The following BMPR1B variants were observed in gnomAD, a reference collection of about 807,000 sequenced individuals.
BMPR1B encodes the protein bone morphogenetic protein receptor type 1B.
A neutral mutation model predicts 59.1 loss-of-function variants in BMPR1B; 12 were observed. That is an observed-to-expected ratio of 0.20 (90% CI 0.13 to 0.33). The LOEUF (loss-of-function observed/expected upper bound fraction) is 0.33. Ranked by LOEUF, BMPR1B falls within the 10% of genes least tolerant of loss-of-function variation. The pLI is 1.00. For synonymous variants in BMPR1B, 237 were observed against 207.3 expected, an observed-to-expected ratio of 1.14 and a Z score of -1.23; for missense variants, 550 against 610.9, an observed-to-expected ratio of 0.90 and a Z score of 1.05.
intron 1 of BMPR1B, among the ~76,000 whole-genome samples, chr4:94,835,064 A>C (rs1311390765): frequency 6.6e-6 from 1 of 151,986 alleles, no homozygotes; most frequent in Non-Finnish European, 1.5e-5. Flanking sequence ...GAAGAAATGC[A>C]GATTTTAGTG....
rs1725149501 is a variant in BMPR1B at position 94,842,913 on chromosome 4, G to GTA, written c.-182-32917_-182-32916insAT. On this transcript the variant is annotated intron_variant, in intron 1 of 12. Transcript: ENST00000515059. ...GCGTATACCTACACATACACACTGT[G>GTA]TGTATGCATGTATGTATGTATGCAT... Among the ~76,000 whole-genome samples the GTA allele has an allele frequency of 5.8e-4, 88 of 151,578 alleles. 2 individuals are homozygous for GTA. In the South Asian group the frequency reaches 0.016, roughly 28 times the overall value.
chr4:94,770,432 A>G (rs4401458), intron 1 of BMPR1B, among the ~76,000 whole-genome samples: 76,332 of 151,540 alleles, frequency 0.5, 19,509 homozygotes, highest in East Asian at 0.77. Context: ...TTTTCATGAT[A>G]ACTAAGGCCC....
At chr4:95,129,621 A>G (rs1334361207) in intron 8 of BMPR1B, among the ~76,000 whole-genome samples, 2 of 152,218 alleles carry the variant, frequency 1.3e-5, no homozygotes, top group Non-Finnish European at 2.9e-5. Context: ...TAATACTAAA[A>G]TAAAGTATTT....
intron 3 of BMPR1B, 169 bp from the exon 4 acceptor site, chr4:95,104,239 A>C: frequency 1.4e-6 from 1 of 725,428 alleles, no homozygotes; most frequent in Non-Finnish European, 2.2e-6. Context: ...GGTGTATACT[A>C]GGTAAAAGAC....
intron 6 of BMPR1B, among the ~76,000 whole-genome samples, chr4:95,120,281 T>C (rs1732377603): frequency 6.6e-6 from 1 of 152,250 alleles, no homozygotes; most frequent in Non-Finnish European, 1.5e-5. Context: ...GATGAGCAAC[T>C]ACGTTGATTG....
chr4:94,983,571 A>G (rs1377845848), intron 2 of BMPR1B, among the ~76,000 whole-genome samples: 1 of 152,222 alleles, frequency 6.6e-6, no homozygotes, highest in Non-Finnish European at 1.5e-5. Flanking sequence ...TAGAAATGTG[A>G]TAGTCTCAAT....
chr4:94,808,686 G>A (rs1306177790), intron 1 of BMPR1B, among the ~76,000 whole-genome samples: 1 of 152,094 alleles, frequency 6.6e-6, no homozygotes, highest in Admixed American at 6.6e-5. Context: ...ACACTAGCTT[G>A]GTATAAGTTT....
chr4:95,085,278 C>T (rs1418855802), intron 3 of BMPR1B, among the ~76,000 whole-genome samples: 2 of 152,056 alleles, frequency 1.3e-5, no homozygotes, highest in Non-Finnish European at 2.9e-5. Context: ...ATCCAGCAGA[C>T]CAATGGCAGG....
At chr4:95,131,554 T>A (rs755466038) in intron 10 of BMPR1B, 42 bp downstream of exon 10, 3 of 1,602,536 alleles carry the variant, frequency 1.9e-6, no homozygotes, top group Non-Finnish European at 2.6e-6. Context: ...ATGACTCTTT[T>A]CTGTTACTTT....
chr4:94,853,118 G>T (rs2148948763), intron 1 of BMPR1B, among the ~76,000 whole-genome samples: 1 of 152,246 alleles, frequency 6.6e-6, no homozygotes, highest in Middle Eastern at 3.4e-3. Context: ...ATCTTGGTCA[G>T]AGTACTAATT....
intron 1 of BMPR1B, among the ~76,000 whole-genome samples, chr4:94,855,698 G>C (rs1231446403): frequency 6.6e-6 from 1 of 152,164 alleles, no homozygotes; most frequent in Non-Finnish European, 1.5e-5. Context: ...TGCCACTGGT[G>C]ATATTTGTGA....
chr4:95,051,464 G>A (rs978356321), intron 3 of BMPR1B, among the ~76,000 whole-genome samples: 4 of 152,048 alleles, frequency 2.6e-5, no homozygotes, highest in African/African-American at 9.7e-5. Context: ...AAAACAATCC[G>A]GCTCAGGGTC....
chr4:95,065,997 A>G (rs530734709), intron 3 of BMPR1B, among the ~76,000 whole-genome samples: 45 of 152,326 alleles, frequency 3.0e-4, no homozygotes, highest in Admixed American at 1.8e-3. Context: ...GCAGTAGCCC[A>G]CCTGCAATCC....
intron 10 of BMPR1B, among the ~76,000 whole-genome samples, chr4:95,147,559 A>C (rs1734735590): frequency 6.6e-6 from 1 of 151,656 alleles, no homozygotes; most frequent in Admixed American, 6.5e-5. Context: ...GAGTGTAATG[A>C]AAAGCAAAAG....
At chr4:95,086,113 TTAA>T (rs1729554669) in intron 3 of BMPR1B, among the ~76,000 whole-genome samples, 1 of 152,198 alleles carries the variant, frequency 6.6e-6, no homozygotes, top group African/African-American at 2.4e-5. Flanking sequence ...TTCTGGATCA[TTAA>T]TAAACATTCA....
intron 1 of BMPR1B, among the ~76,000 whole-genome samples, chr4:94,873,476 G>A (rs1228867487): frequency 1.3e-5 from 2 of 149,334 alleles, no homozygotes; most frequent in African/African-American, 5.0e-5. Flanking sequence ...GCGCGATCTC[G>A]GCTCACTGCA....
Position 94,855,112 on chromosome 4 carries a change from G to C in BMPR1B, c.-182-20719G>C, listed in dbSNP as rs547940973. On this transcript the variant is annotated intron_variant, in intron 1 of 12. Transcript: ENST00000515059. ...GGATGATTATTAAAAAGATCCTTTA[G>C]TCTTCTTTAAAGGATCCTTCTTTAA... Among the ~76,000 whole-genome samples the C allele has an allele frequency of 1.6e-3, 239 of 152,158 alleles. 1 individual carries two copies. The highest frequency in any genetic ancestry group is 5.4e-3 in the African/African-American group (225 of 41,524).
intron 3 of BMPR1B, among the ~76,000 whole-genome samples, chr4:95,089,965 C>T (rs1729860717): frequency 1.3e-5 from 2 of 152,072 alleles, no homozygotes; most frequent in Admixed American, 6.6e-5. Flanking sequence ...ACTAGTAAAA[C>T]ATCTTACAGC....
chr4:94,911,928 T>C (rs1381248918), intron 2 of BMPR1B, among the ~76,000 whole-genome samples: 3 of 152,150 alleles, frequency 2.0e-5, no homozygotes, highest in Non-Finnish European at 2.9e-5. Flanking sequence ...CCCTTTTTCA[T>C]GCTGCTTATA....
Sources: allele counts gnomAD v4.1 joint callset (sites outside exome capture counted in the v4.1 genomes callset), GRCh38; gene constraint gnomAD v4.1.1; transcripts MANE v1.5; gene names NCBI Gene and HGNC (gene_info 2026-07-23, HGNC 2026-07-21).